The following CDH13 variants were observed in gnomAD, a reference collection of about 807,000 sequenced individuals.
The protein encoded by CDH13 is cadherin-13.
CDH13 carries 24 observed loss-of-function variants against 63.8 expected under a neutral mutation model. The ratio of observed to expected loss-of-function variants is 0.38; its 90% CI spans 0.27 to 0.53. CDH13 has a LOEUF of 0.53. CDH13 is among the 20% of genes least tolerant of loss of function. CDH13 has a pLI of 0.85. For synonymous variants in CDH13, 503 were observed against 355.3 expected, an observed-to-expected ratio of 1.42 and a Z score of -4.67; for missense variants, 1,049 against 903.1, an observed-to-expected ratio of 1.16 and a Z score of -2.07.
intron 11 of CDH13, among the ~76,000 whole-genome samples, chr16:83,762,434 C>T (rs1432944584): frequency 1.3e-5 from 2 of 151,998 alleles, no homozygotes; most frequent in Non-Finnish European, 2.9e-5. Flanking sequence ...AGAGAACATT[C>T]GGGAATGCAA....
intron 3 of CDH13, among the ~76,000 whole-genome samples, chr16:83,102,930 CTTTTTTTTTTTCTTTTTCTT>C (rs2034562324): frequency 2.1e-5 from 2 of 96,924 alleles, no homozygotes; most frequent in Non-Finnish European, 3.8e-5. Flanking sequence ...TTTTCTTTTT[CTTTTTTTTTTTCTTTTTCTT>C]TTTTTTTTTT....
chr16:83,436,469 C>A (rs1439952778), intron 6 of CDH13, among the ~76,000 whole-genome samples: 2 of 144,866 alleles, frequency 1.4e-5, no homozygotes, highest in Non-Finnish European at 3.1e-5. Context: ...GACCCTGAAT[C>A]TAATTAAAAA....
At chr16:82,977,707 G>A (rs1182760890) in intron 2 of CDH13, among the ~76,000 whole-genome samples, 1 of 152,158 alleles carries the variant, frequency 6.6e-6, no homozygotes, top group Non-Finnish European at 1.5e-5. Context: ...GACTAATACA[G>A]CAAATTGGTT....
chr16:83,532,262 A>G (rs766080363), intron 7 of CDH13, among the ~76,000 whole-genome samples: 44 of 152,276 alleles, frequency 2.9e-4, no homozygotes, highest in Admixed American at 6.5e-4. Flanking sequence ...ACAGACTAGT[A>G]CAAGCTCATA....
chr16:83,105,374 T>A (rs570325516), intron 3 of CDH13, among the ~76,000 whole-genome samples: 5 of 152,354 alleles, frequency 3.3e-5, no homozygotes, highest in African/African-American at 9.6e-5. Flanking sequence ...AACCACCACA[T>A]GTGAAGTCGA....
At chr16:82,696,860 T>A (rs2030360654) in intron 1 of CDH13, among the ~76,000 whole-genome samples, 1 of 152,026 alleles carries the variant, frequency 6.6e-6, no homozygotes. Flanking sequence ...GAAATAGGAG[T>A]CATCTGCAGG....
chr16:83,543,614 A>T (rs2075331573), intron 7 of CDH13, among the ~76,000 whole-genome samples: 1 of 152,168 alleles, frequency 6.6e-6, no homozygotes, highest in East Asian at 1.9e-4. Context: ...CACCTAAGTC[A>T]GTGGTTCTCA....
intron 1 of CDH13, among the ~76,000 whole-genome samples, chr16:82,687,903 A>G (rs549228827): frequency 3.9e-5 from 6 of 152,264 alleles, no homozygotes; most frequent in South Asian, 2.1e-4. Context: ...AGGAGCTTCA[A>G]GGGGATCCAA....
intron 1 of CDH13, among the ~76,000 whole-genome samples, chr16:82,792,344 G>C (rs2036352458): frequency 6.6e-6 from 1 of 152,088 alleles, no homozygotes; most frequent in Admixed American, 6.5e-5. Flanking sequence ...AAACACACTA[G>C]CCTACTATTT....
At chr16:82,832,868 G>A (rs2038607141) in intron 1 of CDH13, among the ~76,000 whole-genome samples, 1 of 152,224 alleles carries the variant, frequency 6.6e-6, no homozygotes, top group Non-Finnish European at 1.5e-5. Context: ...AACATAGGCA[G>A]ATTTTGATTC....
chr16:82,936,902 A>C (rs2042686075), intron 2 of CDH13, among the ~76,000 whole-genome samples: 1 of 152,090 alleles, frequency 6.6e-6, no homozygotes, highest in South Asian at 2.1e-4. Context: ...TCACCTTTGA[A>C]GACTAAGGTA....
chr16:83,350,892 A>G (rs2090938658), intron 6 of CDH13, among the ~76,000 whole-genome samples: 2 of 152,132 alleles, frequency 1.3e-5, no homozygotes. Flanking sequence ...TTTAATTTTT[A>G]AACACATCCA....
chr16:83,344,832 C>T, intron 5 of CDH13, 30 bp from the exon 6 acceptor site: 1 of 1,610,914 alleles, frequency 6.2e-7, no homozygotes. Context: ...TTAATATCTT[C>T]TTTCTCCCCC....
chr16:83,347,748 T>A (rs2090869761), intron 6 of CDH13, among the ~76,000 whole-genome samples: 1 of 152,204 alleles, frequency 6.6e-6, no homozygotes, highest in South Asian at 2.1e-4. Flanking sequence ...TGGTGAATGG[T>A]TGATTACTTA....
chr16:83,774,507 G>A (rs1310856922), intron 11 of CDH13, among the ~76,000 whole-genome samples: 5 of 152,106 alleles, frequency 3.3e-5, no homozygotes, highest in Admixed American at 2.0e-4. Context: ...AGAGTAGCTG[G>A]GATTACAGGC....
intron 7 of CDH13, among the ~76,000 whole-genome samples, chr16:83,594,642 A>G (rs568575018): frequency 6.6e-6 from 1 of 152,352 alleles, no homozygotes; most frequent in South Asian, 2.1e-4. Context: ...TGTAGAGTGC[A>G]GTTCAAGACC....
At chr16:82,903,057 T>C (rs1326369263) in intron 2 of CDH13, among the ~76,000 whole-genome samples, 1 of 152,210 alleles carries the variant, frequency 6.6e-6, no homozygotes, top group African/African-American at 2.4e-5. Context: ...ACAACAACTC[T>C]ATAAAGATGG....
intron 5 of CDH13, among the ~76,000 whole-genome samples, chr16:83,286,755 CA>C (rs35774290): frequency 0.027 from 3,450 of 128,064 alleles, 108 homozygotes; most frequent in African/African-American, 0.077. Context: ...GACTCTGTCT[CA>C]AAAAAAAAAA....
chr16:82,941,429 C>T (rs964390045), intron 2 of CDH13, among the ~76,000 whole-genome samples: 1 of 152,206 alleles, frequency 6.6e-6, no homozygotes, highest in Non-Finnish European at 1.5e-5. Context: ...AAGGTCCCCT[C>T]CTAGCTCTAA....
Sources: gnomAD v4.1 joint callset for allele counts (sites outside exome capture counted in the v4.1 genomes callset) on GRCh38, gnomAD v4.1.1 for gene constraint, MANE v1.5 for transcripts, NCBI Gene and HGNC (gene_info 2026-07-23, HGNC 2026-07-21) for gene names.